Variants in ABCA1 observed in about 807,000 individuals in gnomAD.
The protein encoded by ABCA1 is phospholipid-transporting ATPase ABCA1.
ABCA1 carries 133 observed loss-of-function variants against 262.5 expected under a neutral mutation model. The ratio of observed to expected loss-of-function variants is 0.51; its 90% CI spans 0.44 to 0.59. The LOEUF is 0.59. Among genes scored for constraint, ABCA1 ranks in the 20% least tolerant of loss-of-function variants. The probability of loss-of-function intolerance (pLI) is 0.00; values close to 1 mark genes in which losing one functional copy is unlikely to be tolerated. For synonymous variants in ABCA1, 1,022 were observed against 1,043.5 expected (o/e 0.98, Z 0.40); for missense variants, 2,452 against 2,777.5 (o/e 0.88, Z 2.63).
intron 7 of ABCA1, among the ~76,000 whole-genome samples, chr9:104,853,001 C>A (rs1004411689): frequency 1.3e-5 from 2 of 152,078 alleles, no homozygotes; most frequent in African/African-American, 4.8e-5. Flanking sequence ...AAATAAAGAC[C>A]CCTCAAGACA....
At chr9:104,849,270 T>C (rs761718780) in intron 7 of ABCA1, among the ~76,000 whole-genome samples, 2 of 152,216 alleles carry the variant, frequency 1.3e-5, no homozygotes, top group South Asian at 2.1e-4. Flanking sequence ...ACATAGGTCC[T>C]TATTAAGTTT....
chr9:104,897,409 AAAT>A (rs1237976307), intron 2 of ABCA1, among the ~76,000 whole-genome samples: 1 of 152,202 alleles, frequency 6.6e-6, no homozygotes, highest in East Asian at 1.9e-4. Flanking sequence ...AATAATACAA[AAAT>A]AATAAAAGAT....
intron 1 of ABCA1, among the ~76,000 whole-genome samples, chr9:104,921,765 T>C (rs1382345976): frequency 6.6e-6 from 1 of 152,214 alleles, no homozygotes; most frequent in East Asian, 1.9e-4. Context: ...ATTTATTAAA[T>C]TTTTTCCATA....
intron 3 of ABCA1, among the ~76,000 whole-genome samples, chr9:104,886,143 G>C (rs915229991): frequency 3.9e-5 from 6 of 152,328 alleles, no homozygotes; most frequent in Admixed American, 1.3e-4. Flanking sequence ...TCCAGGCACT[G>C]TGGGAGTGAA....
At chr9:104,814,501 T>C (rs1162584990) in intron 25 of ABCA1, 26 bp from the exon 26 acceptor site, 2 of 1,610,210 alleles carry the variant, frequency 1.2e-6, no homozygotes, top group Non-Finnish European at 1.7e-6. Flanking sequence ...GATGAGAACA[T>C]TATAAGCACC....
chr9:104,868,276 T>A (rs541865710), intron 5 of ABCA1, among the ~76,000 whole-genome samples: 9 of 152,112 alleles, frequency 5.9e-5, no homozygotes, highest in Non-Finnish European at 1.3e-4. Flanking sequence ...GGAGAATTGC[T>A]TGGAGGCAGA....
intron 7 of ABCA1, chr9:104,856,167 G>T: frequency 6.8e-7 from 1 of 1,465,690 alleles, no homozygotes. Flanking sequence ...ATCAGTCCCA[G>T]CATTCCAATT....
intron 29 of ABCA1, 111 bp downstream of exon 29, chr9:104,810,689 C>A: frequency 6.5e-7 from 1 of 1,543,622 alleles, no homozygotes; most frequent in Non-Finnish European, 8.9e-7. Flanking sequence ...TGAGCCGCAG[C>A]AGTAAAATTC....
At chr9:104,895,543 T>C (rs1335155311) in intron 2 of ABCA1, among the ~76,000 whole-genome samples, 1 of 152,184 alleles carries the variant, frequency 6.6e-6, no homozygotes. Context: ...CCGGCCCCGG[T>C]CGAGAACCAC....
rs1832653383 is a variant in ABCA1, at chr9:104,824,505, C to T, written c.2616G>A (p.Glu872=). 6.2e-7 allele frequency: 1 copy of T among 1,614,052 alleles called. No individual in the cohort carries two copies. The highest frequency in any genetic ancestry group is 1.3e-5 in the African/African-American group (1 of 74,916). Reference sequence around the variant, plus strand: ...TCTGGTTGGAACCAGGGTGGCTCTTCTCATCACTTTCCTCGCCAAACCAGT... The same window carrying T: ...TCTGGTTGGAACCAGGGTGGCTCTTTTCATCACTTTCCTCGCCAAACCAGT... ...KSYWFGEESD[E]KSHPGSNQKR... Residue 872 remains glutamate (E), a synonymous_variant, in exon 18 of 50, where the codon GAG becomes GAA. Transcript: ENST00000374736.
At chr9:104,810,650 T>C (rs7867698) in intron 29 of ABCA1, 150 bp downstream of exon 29, 8 of 1,218,126 alleles carry the variant, frequency 6.6e-6, no homozygotes, top group Non-Finnish European at 8.4e-6. Flanking sequence ...TGCTGTTCTA[T>C]GCATGCAGTA....
rs562901144 is a variant in ABCA1 at position 104,832,596 on chromosome 9, C to T, written c.1487G>A (p.Arg496Gln). ...CACCTCCATGAAGCGAGATATGGTCCGGATTGCCTGGTTAGTCTCGTTGAA... is the reference window on the plus strand; with the variant it reads ...CACCTCCATGAAGCGAGATATGGTCTGGATTGCCTGGTTAGTCTCGTTGAA... ...EAFNETNQAI[R>Q]TISRFMECVN... Residue 496 changes from arginine (R) to glutamine (Q), a missense_variant, in exon 12 of 50, where the codon CGG becomes CAG. Physicochemically the swap from Arg to Gln is conservative, Grantham distance 43. This residue lies in a region of ABCA1 where 1,032 missense variants were observed against 1,089.7 expected (regional missense o/e 0.95). Transcript: ENST00000374736. 13 of 1,614,120 alleles carry T rather than the reference C, an allele frequency of 8.1e-6. No homozygotes were observed. The highest frequency in any genetic ancestry group is 2.2e-5 in the South Asian group (2 of 91,076).
intron 5 of ABCA1, among the ~76,000 whole-genome samples, chr9:104,874,800 A>T (rs552034591): frequency 3.8e-3 from 562 of 149,500 alleles, no homozygotes; most frequent in Non-Finnish European, 6.1e-3. Flanking sequence ...CCGCCCGGCC[A>T]GCCGCCCCGT....
intron 15 of ABCA1, 50 bp from the exon 16 acceptor site, chr9:104,827,219 C>T (rs1401802409): frequency 2.0e-6 from 3 of 1,479,928 alleles, no homozygotes; most frequent in Admixed American, 3.4e-5. Context: ...ATCCCAAGCA[C>T]TCACTTGTAT....
intron 34 of ABCA1, 101 bp from the exon 35 acceptor site, chr9:104,800,685 C>T: frequency 1.0e-6 from 1 of 975,494 alleles, no homozygotes; most frequent in Non-Finnish European, 1.7e-6. Flanking sequence ...CTGTGAAGAG[C>T]AATGCCACTA....
Position 104,840,414 on chromosome 9 carries a change from T to C in ABCA1, c.919A>G (p.Ile307Val). 6.2e-7 allele frequency: 1 copy of C among 1,614,164 alleles called. No homozygotes were observed. The highest frequency in any genetic ancestry group is 8.5e-7 in the Non-Finnish European group (1 of 1,180,032). ...CCTCCCTCGGGATGCCCGCAGACAA[T>C]ACGAGACACAGCCTGGTAGATTTGG... ...STQIYQAVSR[I>V]VCGHPEGGGL... The change falls in exon 9 of 50, where the codon ATT (isoleucine) becomes GTT (valine). Residue 307 changes from isoleucine (I) to valine (V), a missense_variant. Coordinates refer to ENST00000374736, the MANE Select transcript of ABCA1 (RefSeq NM_005502.4).
intron 49 of ABCA1, 96 bp from the exon 50 acceptor site, chr9:104,784,551 T>A: frequency 1.4e-6 from 2 of 1,432,962 alleles, no homozygotes; most frequent in South Asian, 1.2e-5. Flanking sequence ...TTAGGTCAAG[T>A]AGGAGCATAC....
chr9:104,804,476 T>C, intron 32 of ABCA1, 150 bp downstream of exon 32: 1 of 721,850 alleles, frequency 1.4e-6, no homozygotes, highest in South Asian at 1.5e-5. Context: ...TCGTCATCTT[T>C]TCTAGTTTGG....
chr9:104,887,875 C>T lies in ABCA1; in HGVS notation c.160+1227G>A, dbSNP rs142252840. Among the ~76,000 whole-genome samples the T allele has an allele frequency of 2.8e-3, 432 of 151,804 alleles. 2 individuals are homozygous for T. Among genetic ancestry groups the T allele is most frequent in the Non-Finnish European group, 4.8e-3 (329 of 67,916 alleles). ...CCCAGTAGCTGGGATTACAGGTGTG[C>T]GCCACCACGCCTGGCTAATTTTTGT... On this transcript the variant is annotated intron_variant, in intron 3 of 49. Transcript: ENST00000374736.
Sources: gnomAD v4.1 joint callset for allele counts (sites outside exome capture counted in the v4.1 genomes callset) on GRCh38, gnomAD v4.1.1 for gene constraint, gnomAD v4.1.1 regional missense constraint, MANE v1.5 for transcripts, NCBI Gene and HGNC (gene_info 2026-07-23, HGNC 2026-07-21) for gene names.